Variants in GPC5 observed in about 807,000 individuals in gnomAD.
GPC5 encodes glypican 5, also known as glypican-5.
A neutral mutation model predicts 53.9 loss-of-function variants in GPC5; 47 were observed. The observed-to-expected ratio is 0.87, with a 90% CI of 0.69 to 1.11. The LOEUF (loss-of-function observed/expected upper bound fraction) is 1.11, where lower values mean the gene tolerates loss of function less well. GPC5 is among the 50% of genes most tolerant of loss of function. GPC5 has a pLI of 0.00. For missense variants in GPC5, 748 were observed against 713.1 expected, an observed-to-expected ratio of 1.05 and a Z score of -0.56; for synonymous variants, 286 against 263.3, an observed-to-expected ratio of 1.09 and a Z score of -0.84.
chr13:91,670,728 A>C (rs1334381228), intron 2 of GPC5, among the ~76,000 whole-genome samples: 2 of 152,148 alleles, frequency 1.3e-5, no homozygotes, highest in African/African-American at 4.8e-5. Flanking sequence ...TAAACTGTAC[A>C]GTTTAACAGA....
At position 92,720,818 on chromosome 13, in the gene GPC5, T is replaced by G. The variant is rs192309826; in HGVS notation, c.1562-145464T>G. Reference sequence around the variant, plus strand: ...TTGTGCAAAGGGTGTGTATTTTCCTTTACTAAAAGTTGTTTTTGCAATAAA... The same window carrying G: ...TTGTGCAAAGGGTGTGTATTTTCCTGTACTAAAAGTTGTTTTTGCAATAAA... On this transcript the variant is annotated intron_variant, in intron 7 of 7. Transcript: ENST00000377067. 1.3e-4 allele frequency among the ~76,000 whole-genome samples: 20 copies of G among 152,220 alleles called. No individual in the cohort carries two copies. The East Asian group carries it at 2.5e-3, about 19-fold the overall frequency.
intron 6 of GPC5, among the ~76,000 whole-genome samples, chr13:91,930,412 T>G (rs985604023): frequency 6.6e-6 from 1 of 152,088 alleles, no homozygotes; most frequent in African/African-American, 2.4e-5. Flanking sequence ...AGCTATATTT[T>G]CATTTTTGAA....
intron 7 of GPC5, among the ~76,000 whole-genome samples, chr13:92,197,870 G>A (rs753301975): frequency 1.8e-4 from 27 of 151,772 alleles, no homozygotes; most frequent in Non-Finnish European, 3.7e-4. Flanking sequence ...AAACAACTCC[G>A]TATGATACCC....
chr13:92,554,937 G>GTTTTTTTT (rs148890213), intron 7 of GPC5, among the ~76,000 whole-genome samples: 1 of 147,138 alleles, frequency 6.8e-6, no homozygotes, highest in Non-Finnish European at 1.5e-5. Context: ...TAAGTTTTGA[G>GTTTTTTTT]TTTGTTTTTT....
At chr13:91,846,261 T>C (rs988159959) in intron 5 of GPC5, among the ~76,000 whole-genome samples, 5 of 151,916 alleles carry the variant, frequency 3.3e-5, no homozygotes, top group African/African-American at 1.2e-4. Context: ...TTTTACAACT[T>C]CTCAATTAAC....
chr13:92,113,405 A>G (rs555528288), intron 6 of GPC5, among the ~76,000 whole-genome samples: 24 of 152,282 alleles, frequency 1.6e-4, no homozygotes, highest in Admixed American at 9.8e-4. Context: ...ATTTGTGGAT[A>G]TCTTTATAAA....
chr13:92,066,760 T>C (rs1174134978), intron 6 of GPC5, among the ~76,000 whole-genome samples: 1 of 152,124 alleles, frequency 6.6e-6, no homozygotes, highest in Non-Finnish European at 1.5e-5. Flanking sequence ...ACATGTGTAA[T>C]TCTTGCTTGA....
intron 7 of GPC5, among the ~76,000 whole-genome samples, chr13:92,557,194 C>CT (rs1882525471): frequency 6.6e-6 from 1 of 151,750 alleles, no homozygotes; most frequent in Non-Finnish European, 1.5e-5. Flanking sequence ...TCATGTAAGT[C>CT]TAAATAGATG....
In GPC5 at chr13:91,399,028, G is replaced by C; in HGVS notation, c.-19G>C. 1.0e-5 allele frequency: 16 copies of C among 1,536,060 alleles called. No individual in the cohort carries two copies. Among genetic ancestry groups the C allele is most frequent in the Non-Finnish European group, 1.4e-5 (16 of 1,139,158 alleles). ...CGAGTGGGGTCCACTGGCGGGTAAA[G>C]GGGACCAGGACGGCGAGGATGGACG... On this transcript the variant is annotated 5_prime_UTR_variant, in exon 1 of 8. Coordinates refer to ENST00000377067, the MANE Select transcript of GPC5 (RefSeq NM_004466.6).
intron 7 of GPC5, among the ~76,000 whole-genome samples, chr13:92,361,708 T>C (rs1480118286): frequency 1.3e-5 from 2 of 151,644 alleles, no homozygotes; most frequent in African/African-American, 4.9e-5. Flanking sequence ...GTGGAAAGAC[T>C]GCCTGAGAAG....
At chr13:92,603,713 T>C (rs146208863) in intron 7 of GPC5, among the ~76,000 whole-genome samples, 1 of 152,326 alleles carries the variant, frequency 6.6e-6, no homozygotes, top group East Asian at 1.9e-4. Context: ...TCTCTTGTGT[T>C]ACATTTGAAG....
At chr13:92,703,735 G>A (rs1359493121) in intron 7 of GPC5, among the ~76,000 whole-genome samples, 2 of 151,474 alleles carry the variant, frequency 1.3e-5, no homozygotes, top group Non-Finnish European at 2.9e-5. Context: ...GCATGTTACT[G>A]TTAATTGGGG....
At chr13:91,772,537 A>G (rs893643924) in intron 5 of GPC5, among the ~76,000 whole-genome samples, 1 of 152,070 alleles carries the variant, frequency 6.6e-6, no homozygotes, top group Admixed American at 6.6e-5. Context: ...TTCCCTTATA[A>G]TTTTTTTATT....
At chr13:92,149,108 GACACTTTTAA>G (rs961977091) in intron 7 of GPC5, among the ~76,000 whole-genome samples, 7 of 152,004 alleles carry the variant, frequency 4.6e-5, no homozygotes, top group Non-Finnish European at 8.8e-5. Flanking sequence ...CCAGATACCA[GACACTTTTAA>G]AAAGTAAGGT....
At chr13:92,371,346 G>A (rs546314376) in intron 7 of GPC5, among the ~76,000 whole-genome samples, 1 of 152,210 alleles carries the variant, frequency 6.6e-6, no homozygotes, top group South Asian at 2.1e-4. Context: ...ATGGCAAAGG[G>A]ATTTTAAGAA....
chr13:92,229,053 A>G (rs2042510348), intron 7 of GPC5, among the ~76,000 whole-genome samples: 1 of 152,194 alleles, frequency 6.6e-6, no homozygotes, highest in Non-Finnish European at 1.5e-5. Context: ...GATAGACTAT[A>G]TGGCTCAGCA....
intron 5 of GPC5, among the ~76,000 whole-genome samples, chr13:91,891,243 A>G (rs1402983949): frequency 6.6e-6 from 1 of 152,170 alleles, no homozygotes; most frequent in East Asian, 1.9e-4. Flanking sequence ...CATTGATCAC[A>G]TAAGAATCTC....
intron 3 of GPC5, among the ~76,000 whole-genome samples, chr13:91,719,056 A>AC (rs1296042112): frequency 6.6e-6 from 1 of 151,660 alleles, no homozygotes; most frequent in African/African-American, 2.4e-5. Flanking sequence ...GAAAAAAAAA[A>AC]CCTACATTTA....
chr13:92,601,554 CAAAAAAAAAAA>C (rs57333686), intron 7 of GPC5, among the ~76,000 whole-genome samples: 22 of 67,412 alleles, frequency 3.3e-4, no homozygotes, highest in Non-Finnish European at 6.8e-4. Context: ...GACTCCATCT[CAAAAAAAAAAA>C]AAAAAAAAAA....
Sources: gnomAD v4.1 joint callset for allele counts (sites outside exome capture counted in the v4.1 genomes callset) on GRCh38, gnomAD v4.1.1 for gene constraint, MANE v1.5 for transcripts, NCBI Gene and HGNC (gene_info 2026-07-23, HGNC 2026-07-21) for gene names.